Variants in ITPRID1 observed in about 807,000 individuals in gnomAD.
ITPRID1 encodes ITPR interacting domain containing 1.
In ITPRID1, 96 loss-of-function variants were observed where a neutral mutation model predicts 95.4. That is an observed-to-expected ratio of 1.01 (90% confidence interval 0.85 to 1.19). ITPRID1 has a LOEUF of 1.19. Among genes scored for constraint, ITPRID1 ranks in the 50% most tolerant of loss-of-function variants. ITPRID1 has a pLI of 0.00. For missense variants in ITPRID1, 1,339 were observed against 1,252.9 expected, an observed-to-expected ratio of 1.07 and a Z score of -1.04; for synonymous variants, 510 against 453.6, an observed-to-expected ratio of 1.12 and a Z score of -1.58.
chr7:31,554,514 C>G lies in ITPRID1; in HGVS notation c.203C>G (p.Ser68Cys), dbSNP rs757308052. The part of the protein sequence containing the change: ...KQESIQQWLD[S>C]GFFVSANENF... The stretch of plus-strand genomic sequence containing the variant: ...GAAAGTATTCAGCAGTGGCTGGACT[C>G]TGGATTCTTGTAAGTGTTTTTGTGT... Residue 68 changes from serine (S) to cysteine (C), a missense_variant, in exon 4 of 15, where the codon TCT (serine) becomes TGT (cysteine). Ser to Cys is a moderately radical substitution (Grantham distance 112). Coordinates refer to ENST00000615280, the MANE Select transcript of ITPRID1 (RefSeq NM_001257967.3). 6.2e-6 allele frequency: 10 copies of G among 1,612,784 alleles called. No homozygotes were observed. Among genetic ancestry groups the G allele is most frequent in the Non-Finnish European group, 8.5e-6 (10 of 1,179,406 alleles).
intron 12 of ITPRID1, among the ~76,000 whole-genome samples, chr7:31,647,786 C>T (rs572256078): frequency 6.6e-6 from 1 of 151,652 alleles, no homozygotes; most frequent in African/African-American, 2.4e-5. Flanking sequence ...AGGTAAAGGA[C>T]TTGAAGACTC....
At chr7:31,594,743 G>C (rs80201663) in intron 10 of ITPRID1, among the ~76,000 whole-genome samples, 22,585 of 151,948 alleles carry the variant, frequency 0.15, 2,342 homozygotes, top group East Asian at 0.36. Flanking sequence ...TGTTGTCCCA[G>C]CTACTTGGAA....
intron 1 of ITPRID1, among the ~76,000 whole-genome samples, chr7:31,528,128 G>C (rs1583462073): frequency 6.6e-6 from 1 of 152,154 alleles, no homozygotes; most frequent in Non-Finnish European, 1.5e-5. Flanking sequence ...ACTGTGTTTT[G>C]ATAGGGTCCT....
chr7:31,593,785 T>C (rs564300689), intron 10 of ITPRID1, among the ~76,000 whole-genome samples: 24 of 152,178 alleles, frequency 1.6e-4, no homozygotes, highest in Non-Finnish European at 3.2e-4. Flanking sequence ...TAATAACAAC[T>C]AGAGACAGCC....
At chr7:31,549,665 A>G (rs548587999) in intron 2 of ITPRID1, among the ~76,000 whole-genome samples, 166 bp downstream of exon 2, 1 of 152,310 alleles carries the variant, frequency 6.6e-6, no homozygotes, top group East Asian at 1.9e-4. Context: ...GAGTTATCTG[A>G]CCTGAAAGCA....
intron 9 of ITPRID1, 32 bp from the exon 10 acceptor site, chr7:31,583,102 T>C: frequency 6.5e-7 from 1 of 1,532,084 alleles, no homozygotes; most frequent in Non-Finnish European, 9.0e-7. Context: ...TGACAAAATT[T>C]CTAATGACAT....
At chr7:31,554,199 C>G (rs963376987) in intron 3 of ITPRID1, among the ~76,000 whole-genome samples, 1 of 152,160 alleles carries the variant, frequency 6.6e-6, no homozygotes, top group Non-Finnish European at 1.5e-5. Context: ...TCTAACATCT[C>G]TCGTTCTTCA....
chr7:31,604,793 C>A (rs190173687), intron 10 of ITPRID1, among the ~76,000 whole-genome samples: 1 of 152,038 alleles, frequency 6.6e-6, no homozygotes. Context: ...GATAGGAAAT[C>A]GAGAACCCTT....
intron 10 of ITPRID1, among the ~76,000 whole-genome samples, chr7:31,615,813 G>A (rs1247276801): frequency 6.6e-6 from 1 of 150,576 alleles, no homozygotes; most frequent in Non-Finnish European, 1.5e-5. Context: ...GAGTGCAGTG[G>A]TGCAATCTTG....
At chr7:31,611,175 A>G (rs1583570477) in intron 10 of ITPRID1, among the ~76,000 whole-genome samples, 1 of 151,650 alleles carries the variant, frequency 6.6e-6, no homozygotes, top group East Asian at 1.9e-4. Context: ...AACTTAAAAA[A>G]TCTAGATAGG....
In ITPRID1 at chr7:31,654,059, A is replaced by G. The variant is rs1791169123; in HGVS notation, c.*1230A>G. ...GTTGGATGAAGAGTAAGTCCAAAAA[A>G]AAAAAAAAAAAAACCAACAAGCAAA... On this transcript the variant is annotated 3_prime_UTR_variant, in exon 15 of 15. Transcript: ENST00000615280. 6.6e-6 allele frequency among the ~76,000 whole-genome samples: 1 copy of G among 151,820 alleles called. No individual in the cohort carries two copies. Among genetic ancestry groups the G allele is most frequent in the Admixed American group, 6.6e-5 (1 of 15,234 alleles).
Position 31,643,545 on chromosome 7 carries a change from C to G in ITPRID1, c.2175C>G (p.Ala725=). 3.1e-6 allele frequency: 5 copies of G among 1,614,032 alleles called. No homozygotes were observed. Among genetic ancestry groups the G allele is most frequent in the Non-Finnish European group, 4.2e-6 (5 of 1,179,906 alleles). ...SLVSAAQRAV[A]LGTGPRGTSL... is the part of the protein sequence containing the mutation. Reference sequence around the variant, plus strand: ...TGTCGGCTGCTCAGAGGGCTGTGGCCTTGGGGACTGGTCCCAGAGGAACAT... The same window carrying G: ...TGTCGGCTGCTCAGAGGGCTGTGGCGTTGGGGACTGGTCCCAGAGGAACAT... Residue 725 remains alanine (A), a synonymous_variant, in exon 12 of 15, where the codon GCC becomes GCG. Transcript: ENST00000615280.
At chr7:31,544,837 G>A (rs1037798739) in intron 1 of ITPRID1, among the ~76,000 whole-genome samples, 12 of 151,976 alleles carry the variant, frequency 7.9e-5, no homozygotes, top group African/African-American at 2.9e-4. Flanking sequence ...ACATGATAGA[G>A]ACTACAAAAA....
chr7:31,609,914 T>C lies in ITPRID1; in HGVS notation c.1228+26723T>C, dbSNP rs530948068. Among the ~76,000 whole-genome samples the C allele has an allele frequency of 1.8e-4, 28 of 151,612 alleles. 1 individual carries two copies. In the East Asian group the frequency reaches 5.4e-3, roughly 29 times the overall value. ...CTATTTCTTTTTAAATATAGACATT[T>C]ATAGCTAAAAATTCCCCTCAAAGCC... On this transcript the variant is annotated intron_variant, in intron 10 of 14. Transcript: ENST00000615280.
chr7:31,588,276 T>C (rs1424241417), intron 10 of ITPRID1, among the ~76,000 whole-genome samples: 1 of 152,098 alleles, frequency 6.6e-6, no homozygotes, highest in Non-Finnish European at 1.5e-5. Context: ...GTCCTGTTTT[T>C]TAAAAGCTTT....
At chr7:31,636,708 A>G (rs1399260431) in intron 10 of ITPRID1, among the ~76,000 whole-genome samples, 1 of 151,554 alleles carries the variant, frequency 6.6e-6, no homozygotes, top group Non-Finnish European at 1.5e-5. Context: ...GAAGCACATA[A>G]AGGGATCTTT....
Position 31,584,992 on chromosome 7 carries a change from A to G in ITPRID1, c.1228+1801A>G, listed in dbSNP as rs190790394. Among the ~76,000 whole-genome samples, 3 of 152,324 alleles carry G rather than the reference A, an allele frequency of 2.0e-5. No individual in the cohort carries two copies. The East Asian group carries it at 5.8e-4, about 29-fold the overall frequency. On this transcript the variant is annotated intron_variant, in intron 10 of 14. Transcript: ENST00000615280. ...CATTCCCTCTGGGAACCCAGCCCCTATGTTGTGCAAAGCCCAAGTGACATG... is the reference window on the plus strand; with the variant it reads ...CATTCCCTCTGGGAACCCAGCCCCTGTGTTGTGCAAAGCCCAAGTGACATG...
At chr7:31,536,084 C>A (rs778301448) in intron 1 of ITPRID1, among the ~76,000 whole-genome samples, 12 of 152,108 alleles carry the variant, frequency 7.9e-5, no homozygotes, top group Non-Finnish European at 1.5e-4. Flanking sequence ...TGTCTCTATT[C>A]TCCTTCTGGG....
intron 1 of ITPRID1, among the ~76,000 whole-genome samples, chr7:31,521,713 T>TC: frequency 3.9e-5 from 3 of 76,582 alleles, no homozygotes; most frequent in African/African-American, 1.6e-4. Context: ...CTCCCTCCCT[T>TC]CCTTCCTTCC....
Sources: gnomAD v4.1 joint callset for allele counts (sites outside exome capture counted in the v4.1 genomes callset) on GRCh38, gnomAD v4.1.1 for gene constraint, MANE v1.5 for transcripts, NCBI Gene and HGNC (gene_info 2026-07-23, HGNC 2026-07-21) for gene names.